Variants in NDE1 observed in about 807,000 individuals in gnomAD.
NDE1 encodes nuclear distribution protein nudE homolog 1.
A neutral mutation model predicts 43.4 loss-of-function variants in NDE1; 28 were observed. The ratio of observed to expected loss-of-function variants is 0.65; its 90% CI spans 0.48 to 0.89. NDE1 has a LOEUF of 0.89. Ranked by LOEUF, NDE1 falls within the 40% of genes least tolerant of loss-of-function variation. The probability of loss-of-function intolerance (pLI) is 0.00; values close to 1 mark genes in which losing one functional copy is unlikely to be tolerated. For synonymous variants in NDE1, 184 were observed against 172.0 expected, an observed-to-expected ratio of 1.07 and a Z score of -0.55; for missense variants, 441 against 434.1, an observed-to-expected ratio of 1.02 and a Z score of -0.14.
chr16:15,675,192 G>T (rs1170013404), intron 3 of NDE1, among the ~76,000 whole-genome samples: 1 of 150,478 alleles, frequency 6.6e-6, no homozygotes, highest in African/African-American at 2.4e-5. Context: ...CTGCCTGCCC[G>T]CCCCCTCCCA....
Position 15,724,127 on chromosome 16 carries a change from A to G in NDE1, c.948-64A>G, listed in dbSNP as rs750902295. On this transcript the variant is annotated intron_variant, in intron 8 of 8. Coordinates refer to ENST00000396354, the MANE Select transcript of NDE1 (RefSeq NM_017668.3). ...GAGCTGATTCCCCAACCCAGCGTCC[A>G]TGGCCAGAGTGGGGGACACCCCACG... 3.1e-6 allele frequency: 5 copies of G among 1,611,582 alleles called. No individual in the cohort carries two copies. In the African/African-American group the frequency reaches 5.3e-5, roughly 17 times the overall value.
At chr16:15,660,856 C>CA (rs1271142297) in intron 1 of NDE1, among the ~76,000 whole-genome samples, 2 of 152,174 alleles carry the variant, frequency 1.3e-5, no homozygotes, top group Non-Finnish European at 2.9e-5. Context: ...TCATCTCTCT[C>CA]ACTCTGTTTC....
intron 2 of NDE1, 110 bp downstream of exon 2, chr16:15,664,971 C>G: frequency 1.2e-6 from 1 of 823,008 alleles, no homozygotes; most frequent in South Asian, 1.5e-5. Flanking sequence ...TCATAGTGCA[C>G]AGCCGCCTTA....
intron 8 of NDE1, chr16:15,719,787 C>T: frequency 2.5e-6 from 4 of 1,594,026 alleles, no homozygotes; most frequent in Non-Finnish European, 3.4e-6. Context: ...TTCAGCTTTG[C>T]ACACCCACCC....
chr16:15,722,592 C>G (rs1252433906), intron 8 of NDE1, among the ~76,000 whole-genome samples: 1 of 152,128 alleles, frequency 6.6e-6, no homozygotes, highest in Non-Finnish European at 1.5e-5. Context: ...GATAACGAAG[C>G]ATTGAAGATG....
chr16:15,662,264 C>T (rs2037082981), intron 1 of NDE1, among the ~76,000 whole-genome samples: 1 of 149,020 alleles, frequency 6.7e-6, no homozygotes, highest in South Asian at 2.1e-4. Flanking sequence ...ATTCAGGCCA[C>T]GTTCCTTTCT....
chr16:15,645,907 T>G (rs1299451302), upstream of NDE1, among the ~76,000 whole-genome samples: 1 of 152,206 alleles, frequency 6.6e-6, no homozygotes, highest in African/African-American at 2.4e-5. Context: ...GTGGTTTGAA[T>G]TAATAAATGA....
At chr16:15,703,394 T>G (rs757397513) in intron 8 of NDE1, 17 of 238,120 alleles carry the variant, frequency 7.1e-5, no homozygotes, top group Non-Finnish European at 1.2e-4. Context: ...CGGCACCCAT[T>G]TCGGTGACTT....
At chr16:15,713,771 C>T (rs1356302563) in intron 8 of NDE1, 2 of 152,336 alleles carry the variant, frequency 1.3e-5, no homozygotes, top group Non-Finnish European at 2.9e-5. Flanking sequence ...AGGTGTGAGT[C>T]CCGTGCCCAG....
chr16:15,679,782 G>GTT (rs71134447), intron 4 of NDE1, among the ~76,000 whole-genome samples: 5,671 of 151,730 alleles, frequency 0.037, 293 homozygotes, highest in African/African-American at 0.12. Context: ...GTTGTTTTTT[G>GTT]TTTTTGTTTT....
rs932085471 is a variant in NDE1, at chr16:15,720,815, G to C, written c.948-3376G>C. 1.9e-6 allele frequency: 3 copies of C among 1,611,582 alleles called. No individual in the cohort carries two copies. The African/African-American group carries it at 4.0e-5, about 22-fold the overall frequency. ...GAAAAAGGCCACCCGACCTCCCTCT[G>C]CTGGCCTCCCCGGCAGCACGCACCT... On this transcript the variant is annotated intron_variant, in intron 8 of 8. Coordinates refer to ENST00000396354, the MANE Select transcript of NDE1 (RefSeq NM_017668.3).
intron 3 of NDE1, among the ~76,000 whole-genome samples, chr16:15,674,360 C>T (rs2037757919): frequency 6.6e-6 from 1 of 152,138 alleles, no homozygotes; most frequent in South Asian, 2.1e-4. Flanking sequence ...TCTCCTGCCT[C>T]AGCCTCCCGA....
At chr16:15,653,296 G>T (rs1351074232) in intron 1 of NDE1, among the ~76,000 whole-genome samples, 1 of 152,168 alleles carries the variant, frequency 6.6e-6, no homozygotes, top group Non-Finnish European at 1.5e-5. Flanking sequence ...GTCCTTGCCT[G>T]CCTAAGTATT....
intron 8 of NDE1, chr16:15,703,948 G>A (rs1394432795): frequency 6.2e-7 from 1 of 1,613,144 alleles, no homozygotes; most frequent in Non-Finnish European, 8.5e-7. Flanking sequence ...GTTTGTTTTG[G>A]TTTTTGGTTT....
intron 6 of NDE1, among the ~76,000 whole-genome samples, chr16:15,693,253 C>T (rs1190908360): frequency 6.6e-6 from 1 of 152,150 alleles, no homozygotes; most frequent in Non-Finnish European, 1.5e-5. Context: ...GATCGAACTG[C>T]CTCGGCCTCT....
intron 3 of NDE1, 30 bp from the exon 4 acceptor site, chr16:15,677,771 C>T (rs1196295127): frequency 9.3e-6 from 15 of 1,613,604 alleles, no homozygotes; most frequent in African/African-American, 2.7e-5. Flanking sequence ...AGTCTTAAGT[C>T]ATTCACTCAG....
chr16:15,677,552 C>T (rs1311349519), intron 3 of NDE1, among the ~76,000 whole-genome samples: 1 of 151,514 alleles, frequency 6.6e-6, no homozygotes, highest in Non-Finnish European at 1.5e-5. Flanking sequence ...TGCCGCTGCA[C>T]TCAAGCCTGG....
At chr16:15,678,026 C>G in intron 4 of NDE1, 77 bp downstream of exon 4, 4 of 1,562,070 alleles carry the variant, frequency 2.6e-6, no homozygotes, top group Non-Finnish European at 3.5e-6. Context: ...GTACTGGGCC[C>G]TGTGCTGAGT....
At chr16:15,668,365 C>G (rs372449532) in intron 3 of NDE1, among the ~76,000 whole-genome samples, 6 of 152,278 alleles carry the variant, frequency 3.9e-5, no homozygotes, top group African/African-American at 1.4e-4. Context: ...CAAAAAAAAC[C>G]AAAGTCCTTC....
Sources: allele counts gnomAD v4.1 joint callset (sites outside exome capture counted in the v4.1 genomes callset), GRCh38; gene constraint gnomAD v4.1.1; transcripts MANE v1.5; gene names NCBI Gene and HGNC (gene_info 2026-07-23, HGNC 2026-07-21).